COL13A1: variants seen among roughly 807,000 people sequenced by gnomAD.
COL13A1 encodes collagen type XIII alpha 1 chain, also known as collagen alpha-1(XIII) chain.
In COL13A1, 89 loss-of-function variants were observed where a neutral mutation model predicts 130.9. That is an observed-to-expected ratio of 0.68 (90% CI 0.57 to 0.81). The LOEUF (loss-of-function observed/expected upper bound fraction) is 0.81, where lower values mean the gene tolerates loss of function less well. Ranked by LOEUF, COL13A1 falls within the 30% of genes least tolerant of loss-of-function variation. The pLI is 0.00. For synonymous variants in COL13A1, 402 were observed against 341.6 expected, an observed-to-expected ratio of 1.18 and a Z score of -1.95; for missense variants, 879 against 934.6, an observed-to-expected ratio of 0.94 and a Z score of 0.78.
intron 2 of COL13A1, chr10:69,824,248 A>AT: frequency 2.3e-6 from 1 of 436,920 alleles, no homozygotes; most frequent in East Asian, 7.2e-5. Context: ...CATGATTATG[A>AT]TTATTTTCTC....
rs113237232 is a variant in COL13A1 at position 69,806,864 on chromosome 10, C to T, written c.294+4147C>T. On this transcript the variant is annotated intron_variant, in intron 1 of 40. Transcript: ENST00000645393. ...TCTACTAAAAAATACAAAAATTAGC[C>T]GGGCATGGTGGTGGGTGCCTATAAT... Among the ~76,000 whole-genome samples, 1,114 of 152,198 alleles carry T rather than the reference C, an allele frequency of 7.3e-3. 12 individuals carry two copies. Among genetic ancestry groups the T allele is most frequent in the African/African-American group, 0.025 (1,020 of 41,524 alleles).
intron 18 of COL13A1, 147 bp downstream of exon 18, chr10:69,917,480 G>A (rs1208554533): frequency 2.4e-5 from 18 of 738,490 alleles, no homozygotes; most frequent in Non-Finnish European, 3.5e-5. Flanking sequence ...GCAGCATTGT[G>A]GTCTCTCATC....
At chr10:69,813,833 G>A (rs1436346066) in intron 1 of COL13A1, among the ~76,000 whole-genome samples, 1 of 152,168 alleles carries the variant, frequency 6.6e-6, no homozygotes, top group East Asian at 1.9e-4. Flanking sequence ...CAGTCCCTGG[G>A]ATGTAGCCCA....
intron 2 of COL13A1, among the ~76,000 whole-genome samples, chr10:69,837,613 C>T (rs905378967): frequency 3.9e-5 from 6 of 152,242 alleles, no homozygotes; most frequent in African/African-American, 1.2e-4. Context: ...TCTGCGCTTA[C>T]CCTGGTACAT....
intron 1 of COL13A1, among the ~76,000 whole-genome samples, chr10:69,816,017 C>T (rs1564740542): frequency 1.3e-5 from 2 of 151,588 alleles, no homozygotes; most frequent in South Asian, 4.2e-4. Context: ...AGAGAACACC[C>T]AGGCAGAGAG....
chr10:69,803,749 G>C (rs1048901053), intron 1 of COL13A1, among the ~76,000 whole-genome samples: 3 of 151,690 alleles, frequency 2.0e-5, no homozygotes, highest in African/African-American at 7.3e-5. Flanking sequence ...AGCAACCCTG[G>C]GTTTTTATCC....
intron 1 of COL13A1, 21 bp from the exon 2 acceptor site, chr10:69,822,348 C>A: frequency 6.4e-7 from 1 of 1,562,230 alleles, no homozygotes. Flanking sequence ...GGTGACTCCT[C>A]TTGTCTGTCT....
At chr10:69,867,579 G>A (rs772972440) in intron 2 of COL13A1, among the ~76,000 whole-genome samples, 3 of 152,250 alleles carry the variant, frequency 2.0e-5, no homozygotes, top group Admixed American at 6.5e-5. Context: ...TGAGCCTGGG[G>A]CCTAGACCTC....
chr10:69,837,677 A>G (rs887055984), intron 2 of COL13A1, among the ~76,000 whole-genome samples: 9 of 152,104 alleles, frequency 5.9e-5, no homozygotes, highest in Admixed American at 5.9e-4. Context: ...ATCCCTGGGG[A>G]GCTGGAAGTG....
chr10:69,822,690 G>A (rs1221790303), intron 2 of COL13A1, among the ~76,000 whole-genome samples: 1 of 152,186 alleles, frequency 6.6e-6, no homozygotes, highest in South Asian at 2.1e-4. Flanking sequence ...ACCAGGTTGT[G>A]GTGAAGTCGG....
chr10:69,937,300 G>A (rs971281383), intron 33 of COL13A1, among the ~76,000 whole-genome samples: 1 of 152,208 alleles, frequency 6.6e-6, no homozygotes, highest in South Asian at 2.1e-4. Flanking sequence ...CAGGGCTCTG[G>A]AGGTAGCATC....
At chr10:69,852,302 G>A (rs543631225) in intron 2 of COL13A1, among the ~76,000 whole-genome samples, 5 of 152,290 alleles carry the variant, frequency 3.3e-5, no homozygotes, top group African/African-American at 9.6e-5. Flanking sequence ...ATCACCTGCG[G>A]CTAGAGATAA....
chr10:69,821,123 C>T (rs985054903), intron 1 of COL13A1, among the ~76,000 whole-genome samples: 8 of 152,228 alleles, frequency 5.3e-5, no homozygotes, highest in Non-Finnish European at 7.3e-5. Flanking sequence ...TGCAGTCAGT[C>T]CTGGCCAGCC....
intron 2 of COL13A1, among the ~76,000 whole-genome samples, chr10:69,825,245 A>G (rs1417622713): frequency 1.3e-5 from 2 of 152,240 alleles, no homozygotes; most frequent in African/African-American, 4.8e-5. Context: ...TCAAATTCGC[A>G]AAGAGAACAT....
intron 1 of COL13A1, among the ~76,000 whole-genome samples, chr10:69,817,356 G>A (rs951517175): frequency 6.6e-6 from 1 of 151,514 alleles, no homozygotes; most frequent in African/African-American, 2.4e-5. Context: ...GTGTAGTGGT[G>A]GCTGCCTCTG....
chr10:69,837,175 A>G (rs1231939594), intron 2 of COL13A1, among the ~76,000 whole-genome samples: 1 of 152,200 alleles, frequency 6.6e-6, no homozygotes, highest in East Asian at 1.9e-4. Flanking sequence ...TTCTCAACAA[A>G]GAACTTACTT....
chr10:69,817,215 G>A (rs1379054840), intron 1 of COL13A1, among the ~76,000 whole-genome samples: 2 of 152,080 alleles, frequency 1.3e-5, no homozygotes, highest in African/African-American at 4.8e-5. Flanking sequence ...CCAATCTAGA[G>A]GAGGGGATTG....
intron 7 of COL13A1, among the ~76,000 whole-genome samples, chr10:69,886,594 A>T (rs1048066040): frequency 7.9e-5 from 12 of 152,208 alleles, no homozygotes; most frequent in African/African-American, 2.2e-4. Flanking sequence ...GGATTGAGGG[A>T]TGGCCTTGAA....
chr10:69,802,451 G>C lies in COL13A1; in HGVS notation c.28G>C (p.Ala10Pro). 6.7e-7 allele frequency: 1 copy of C among 1,503,566 alleles called. No homozygotes were observed. The highest frequency in any genetic ancestry group is 8.8e-7 in the Non-Finnish European group (1 of 1,131,696). 93.1% of individuals were successfully genotyped at this position (1,503,566 alleles called of 1,614,324 possible). MVAERTHKAAATGARGPGEL... is the reference protein window; with the variant it reads MVAERTHKAPATGARGPGEL... Reference sequence around the variant, plus strand: ...GGTAGCGGAGCGCACCCACAAAGCGGCAGCCACCGGTGCCCGCGGCCCTGG... The same window carrying C: ...GGTAGCGGAGCGCACCCACAAAGCGCCAGCCACCGGTGCCCGCGGCCCTGG... The change falls in exon 1 of 41, where the codon GCA becomes CCA. Residue 10 changes from alanine (A) to proline (P), a missense_variant. This residue lies in a region of COL13A1 where 715 missense variants were observed against 721.0 expected (regional missense o/e 0.99). Transcript: ENST00000645393.
Sources: allele counts gnomAD v4.1 joint callset (sites outside exome capture counted in the v4.1 genomes callset), GRCh38; gene constraint gnomAD v4.1.1; regional missense constraint gnomAD v4.1.1; transcripts MANE v1.5; gene names NCBI Gene and HGNC (gene_info 2026-07-23, HGNC 2026-07-21).